The following CCDC85C variants were observed in gnomAD, a reference collection of about 807,000 sequenced individuals.
The protein encoded by CCDC85C is coiled-coil domain containing 85C.
Under a neutral mutation model 38.3 loss-of-function variants are expected in CCDC85C, and 18 were observed. The ratio of observed to expected loss-of-function variants is 0.47; its 90% CI spans 0.33 to 0.70. The LOEUF (loss-of-function observed/expected upper bound fraction) is 0.70. CCDC85C is among the 30% of genes least tolerant of loss of function. The pLI is 0.03. For missense variants in CCDC85C, 566 were observed against 621.2 expected (o/e 0.91, Z 0.94); for synonymous variants, 264 against 293.8 (o/e 0.90, Z 1.04).
chr14:99,549,506 C>A (rs541062781), intron 1 of CCDC85C, among the ~76,000 whole-genome samples: 1 of 152,180 alleles, frequency 6.6e-6, no homozygotes, highest in African/African-American at 2.4e-5. Context: ...CCCCTCTTTG[C>A]CCCAACCTGC....
At chr14:99,517,252 C>T (rs1009202814) in intron 3 of CCDC85C, 69 bp from the exon 4 acceptor site, 3 of 1,250,240 alleles carry the variant, frequency 2.4e-6, no homozygotes, top group Non-Finnish European at 2.2e-6. Flanking sequence ...GTGGCTCAGA[C>T]AAGGCCCCCA....
At position 99,597,268 on chromosome 14, in the gene CCDC85C, G is replaced by A. The variant is rs141741365; in HGVS notation, c.793+5899C>T. On this transcript the variant is annotated intron_variant, in intron 1 of 5. Transcript: ENST00000380243. ...TAAATGCTCAGTGAAGTCCGCAGAC[G>A]CTTCCCTTCCTCCTGAAGAGCAAAT... Among the ~76,000 whole-genome samples, 1,224 of 152,298 alleles carry A rather than the reference G, an allele frequency of 8.0e-3. 10 individuals carry two copies. Among genetic ancestry groups the A allele is most frequent in the African/African-American group, 0.011 (445 of 41,552 alleles).
chr14:99,575,778 A>G (rs1898462203), intron 1 of CCDC85C, among the ~76,000 whole-genome samples: 1 of 152,210 alleles, frequency 6.6e-6, no homozygotes, highest in Non-Finnish European at 1.5e-5. Context: ...AGATAAAACA[A>G]GACAAGTAGG....
rs1274940957 is a variant in CCDC85C at position 99,569,644 on chromosome 14, C to T, written c.793+33523G>A. 6.6e-6 allele frequency among the ~76,000 whole-genome samples: 1 copy of T among 152,216 alleles called. No homozygotes were observed. Among genetic ancestry groups the T allele is most frequent in the Non-Finnish European group, 1.5e-5 (1 of 68,044 alleles). Reference sequence around the variant, plus strand: ...AACCCAGGCACATCCAGCCTCAAACCTGGATCCTACACCACCCCAGGCAAC... The same window carrying T: ...AACCCAGGCACATCCAGCCTCAAACTTGGATCCTACACCACCCCAGGCAAC... On this transcript the variant is annotated intron_variant, in intron 1 of 5. Transcript: ENST00000380243. The surrounding 1 kb of genome is among the most constrained non-coding windows in gnomAD (Gnocchi z 4.3).
rs1566788071 is a variant in CCDC85C at position 99,603,206 on chromosome 14, CCGA to C, written c.751_753del (p.Ser251del). On this transcript the variant is annotated inframe_deletion, in exon 1 of 6. Coordinates refer to ENST00000380243, the MANE Select transcript of CCDC85C (RefSeq NM_001144995.2). This position sits in a 1 kb window ranked among gnomAD's most constrained non-coding sequence, Gnocchi z 7.5. ...GGGATGCTGCGGTGGTGCGGCGGCG[CCGA>C]CAAGTCGTCCAGGGACCGACGTGTG... The C allele has an allele frequency of 6.3e-6, 9 of 1,428,924 alleles. No individual in the cohort carries two copies. The South Asian group carries it at 8.5e-5, about 14-fold the overall frequency. The allele number at this position is 1,428,924 out of a possible 1,614,324, so 88.5% of individuals were successfully genotyped here.
At chr14:99,586,705 A>C (rs891940342) in intron 1 of CCDC85C, among the ~76,000 whole-genome samples, 2 of 152,188 alleles carry the variant, frequency 1.3e-5, no homozygotes, top group Non-Finnish European at 2.9e-5. Context: ...ACTGTCATAC[A>C]TGAGCCTCTC....
intron 1 of CCDC85C, among the ~76,000 whole-genome samples, chr14:99,559,221 C>CA (rs1555370437): frequency 1.3e-5 from 2 of 151,924 alleles, no homozygotes; most frequent in East Asian, 1.9e-4. Context: ...GGAGTCCCCC[C>CA]GAGAGCCTCC....
intron 1 of CCDC85C, among the ~76,000 whole-genome samples, chr14:99,553,233 C>T (rs1357030014): frequency 2.0e-5 from 3 of 152,174 alleles, no homozygotes; most frequent in African/African-American, 7.2e-5. Flanking sequence ...ACACCCAGGC[C>T]AGAGCCCTGC....
intron 1 of CCDC85C, among the ~76,000 whole-genome samples, chr14:99,552,528 A>G (rs1350064772): frequency 1.3e-5 from 2 of 151,896 alleles, no homozygotes; most frequent in Admixed American, 1.3e-4. Flanking sequence ...ACGAGGTCAG[A>G]CTCTCTAGAC....
intron 1 of CCDC85C, among the ~76,000 whole-genome samples, chr14:99,567,654 G>A (rs764943827): frequency 2.2e-4 from 33 of 152,108 alleles, no homozygotes; most frequent in Admixed American, 1.0e-3. Context: ...GTGAAACCCC[G>A]TTTCCACTAA....
rs1897162041 is a variant in CCDC85C, at chr14:99,512,901, G to A, written c.*2345C>T. 6.6e-6 allele frequency: 1 copy of A among 152,242 alleles called. No individual in the cohort carries two copies. Among genetic ancestry groups the A allele is most frequent in the Admixed American group, 6.5e-5 (1 of 15,292 alleles). The allele number at this position is 152,242 out of a possible 1,614,324, so 9.4% of individuals were successfully genotyped here. Reference sequence around the variant, plus strand: ...ACTGCCACCTGTACTCAGGTACATGGCGTCGCTGCTGCTGGCTTTTAAAAT... The same window carrying A: ...ACTGCCACCTGTACTCAGGTACATGACGTCGCTGCTGCTGGCTTTTAAAAT... On this transcript the variant is annotated 3_prime_UTR_variant, in exon 6 of 6. Transcript: ENST00000380243.
intron 1 of CCDC85C, among the ~76,000 whole-genome samples, chr14:99,586,169 G>A (rs997872368): frequency 5.3e-5 from 8 of 152,198 alleles, no homozygotes; most frequent in Non-Finnish European, 8.8e-5. Context: ...GTGAGTGCAG[G>A]GCCAGTTCTC....
chr14:99,503,750 T>A lies in CCDC85C; in HGVS notation c.*11496A>T. On this transcript the variant is annotated 3_prime_UTR_variant, in exon 6 of 6. Transcript: ENST00000380243. ...TCAGATCTAAATTGGCCTTAAATCT[T>A]AACTTTAGAGCTCATACAAAACTTT... 6.2e-6 allele frequency: 6 copies of A among 969,598 alleles called. No homozygotes were observed. Among genetic ancestry groups the A allele is most frequent in the Non-Finnish European group, 9.3e-6 (6 of 641,846 alleles). The allele number at this position is 969,598 out of a possible 1,614,324, so 60.1% of individuals were successfully genotyped here. A position where few individuals can be genotyped will look rare whatever the true frequency, so the allele number is the denominator to read the frequency against.
rs1896826603 is a variant in CCDC85C at position 99,501,601 on chromosome 14, C to T, written c.*13645G>A. ...CTTCCCGGCAGAGGGTTTCCTTCTG[C>T]CCTGCCGTGTCATGGTGTTGTGAGG... On this transcript the variant is annotated 3_prime_UTR_variant, in exon 6 of 6. Transcript: ENST00000380243. 1 of 574,946 alleles carries T rather than the reference C, an allele frequency of 1.7e-6. No individual in the cohort carries two copies. 35.6% of individuals were successfully genotyped at this position (574,946 alleles called of 1,614,324 possible). A position where few individuals can be genotyped will look rare whatever the true frequency, so the allele number is the denominator to read the frequency against.
At chr14:99,553,358 GT>G (rs5810958) in intron 1 of CCDC85C, among the ~76,000 whole-genome samples, 80,143 of 150,594 alleles carry the variant, frequency 0.53, 21,413 homozygotes, top group African/African-American at 0.58. Context: ...TCCCTGTGTG[GT>G]TTTTTTTTTG....
At position 99,588,645 on chromosome 14, in the gene CCDC85C, G is replaced by A. The variant is rs1310101426; in HGVS notation, c.793+14522C>T. 6.6e-6 allele frequency among the ~76,000 whole-genome samples: 1 copy of A among 152,104 alleles called. No homozygotes were observed. Among genetic ancestry groups the A allele is most frequent in the East Asian group, 1.9e-4 (1 of 5,152 alleles). On this transcript the variant is annotated intron_variant, in intron 1 of 5. Coordinates refer to ENST00000380243, the MANE Select transcript of CCDC85C (RefSeq NM_001144995.2). This position sits in a 1 kb window ranked among gnomAD's most constrained non-coding sequence, Gnocchi z 5.0. The stretch of plus-strand genomic sequence containing the variant: ...ACAGGTGGTGGCAAAGGGTCCCCTG[G>A]CTGCCCTTTCTGGTCTGGGGTCAGG...
In CCDC85C at chr14:99,603,888, C is replaced by T. The variant is rs1367702238; in HGVS notation, c.72G>A (p.Leu24=). 8.7e-6 allele frequency: 13 copies of T among 1,497,200 alleles called. No individual in the cohort carries two copies. The East Asian group carries it at 3.3e-4, about 38-fold the overall frequency. The allele number at this position is 1,497,200 out of a possible 1,614,324, so 92.7% of individuals were successfully genotyped here. Residue 24 remains leucine, a synonymous_variant, in exon 1 of 6, where the codon CTG becomes CTA. Coordinates refer to ENST00000380243, the MANE Select transcript of CCDC85C (RefSeq NM_001144995.2). The surrounding 1 kb of genome is among the most constrained non-coding windows in gnomAD (Gnocchi z 7.5). Reference sequence around the variant, plus strand: ...GCGCCAGCTCCTCCTTGCTCCAGCGCAGCAGCTCCTCGTCCGGCACCTGGC... The same window carrying T: ...GCGCCAGCTCCTCCTTGCTCCAGCGTAGCAGCTCCTCGTCCGGCACCTGGC... ...ELSQVPDEEL[L]RWSKEELARR...
intron 1 of CCDC85C, among the ~76,000 whole-genome samples, chr14:99,597,357 C>T (rs937698159): frequency 6.6e-6 from 1 of 152,212 alleles, no homozygotes; most frequent in African/African-American, 2.4e-5. Context: ...TTGGATTGAA[C>T]ACACACATTC....
In CCDC85C at chr14:99,567,550, C is replaced by T. The variant is rs1349459944; in HGVS notation, c.794-31462G>A. On this transcript the variant is annotated intron_variant, in intron 1 of 5. Transcript: ENST00000380243. ...TCTTAAGATAGGGCAGGAGGCCGGACACAGGGGCTCATGCCTGTAATCCCA... is the reference window on the plus strand; with the variant it reads ...TCTTAAGATAGGGCAGGAGGCCGGATACAGGGGCTCATGCCTGTAATCCCA... Among the ~76,000 whole-genome samples the T allele has an allele frequency of 3.3e-5, 5 of 152,192 alleles. No individual in the cohort carries two copies. In the East Asian group the frequency reaches 9.6e-4, roughly 29 times the overall value.
Sources: allele counts gnomAD v4.1 joint callset (sites outside exome capture counted in the v4.1 genomes callset), GRCh38; gene constraint gnomAD v4.1.1; non-coding constraint Gnocchi (gnomAD v3.1); transcripts MANE v1.5; gene names NCBI Gene and HGNC (gene_info 2026-07-23, HGNC 2026-07-21).